Variants in PDS5B observed in about 807,000 individuals in gnomAD.
PDS5B encodes PDS5 cohesin associated factor B, also known as sister chromatid cohesion protein PDS5 homolog B.
Under a neutral mutation model 184.1 loss-of-function variants are expected in PDS5B, and 51 were observed. That is an observed-to-expected ratio of 0.28 (90% CI 0.22 to 0.35). The LOEUF is 0.35. PDS5B is among the 10% of genes least tolerant of loss of function. The pLI is 1.00. For missense variants in PDS5B, 1,180 were observed against 1,723.3 expected (o/e 0.68, Z 5.58); for synonymous variants, 566 against 569.2 (o/e 0.99, Z 0.08).
At chr13:32,756,429 A>T (rs959639681) in intron 26 of PDS5B, among the ~76,000 whole-genome samples, 3 of 152,166 alleles carry the variant, frequency 2.0e-5, no homozygotes, top group Admixed American at 2.0e-4. Context: ...CTTATTACTT[A>T]ATTGGTGATT....
At chr13:32,710,418 A>G (rs1374381435) in intron 19 of PDS5B, among the ~76,000 whole-genome samples, 4 of 152,344 alleles carry the variant, frequency 2.6e-5, no homozygotes, top group African/African-American at 9.6e-5. Context: ...AAGGAATTTC[A>G]TCAGGACTAT....
At chr13:32,755,164 A>T (rs1382009467) in intron 25 of PDS5B, among the ~76,000 whole-genome samples, 1 of 152,210 alleles carries the variant, frequency 6.6e-6, no homozygotes, top group Non-Finnish European at 1.5e-5. Flanking sequence ...CAAATAGGAA[A>T]TATAAATGGA....
intron 28 of PDS5B, among the ~76,000 whole-genome samples, chr13:32,759,403 T>A (rs1954298924): frequency 1.3e-5 from 2 of 152,206 alleles, no homozygotes; most frequent in Non-Finnish European, 2.9e-5. Flanking sequence ...TGATGCACTC[T>A]TAGAGCTCTA....
At chr13:32,766,404 T>C (rs934789021) in intron 31 of PDS5B, among the ~76,000 whole-genome samples, 22 of 152,238 alleles carry the variant, frequency 1.4e-4, no homozygotes, top group African/African-American at 5.3e-4. Context: ...TCTTGAGACC[T>C]ATTAGTATGA....
At position 32,654,965 on chromosome 13, in the gene PDS5B, T is replaced by C. The variant is rs563401380; in HGVS notation, c.312+2958T>C. Among the ~76,000 whole-genome samples the C allele has an allele frequency of 2.0e-5, 3 of 152,306 alleles. No individual in the cohort carries two copies. The East Asian group carries it at 5.8e-4, about 29-fold the overall frequency. ...TAGGTTGATTCCATGTCTTTGCTAT[T>C]GTGAATAGTGCTGCTACGAACATAT... is the stretch of plus-strand genomic sequence containing the variant. On this transcript the variant is annotated intron_variant, in intron 3 of 34. Coordinates refer to ENST00000315596, the MANE Select transcript of PDS5B (RefSeq NM_015032.4).
intron 30 of PDS5B, among the ~76,000 whole-genome samples, chr13:32,761,947 T>C (rs544055895): frequency 2.6e-5 from 4 of 152,356 alleles, no homozygotes; most frequent in Non-Finnish European, 4.4e-5. Context: ...TTCTGTTTTC[T>C]CTGCAGCCTC....
intron 22 of PDS5B, among the ~76,000 whole-genome samples, chr13:32,741,554 T>C (rs1324616821): frequency 6.6e-6 from 1 of 152,172 alleles, no homozygotes; most frequent in Non-Finnish European, 1.5e-5. Flanking sequence ...TTGCTCATCA[T>C]TGGTATAGAC....
intron 1 of PDS5B, among the ~76,000 whole-genome samples, chr13:32,616,350 T>G (rs776493819): frequency 4.3e-4 from 66 of 151,984 alleles, no homozygotes; most frequent in Non-Finnish European, 7.7e-4. Flanking sequence ...CCACTGCGCC[T>G]GGCCCCTCCC....
At chr13:32,768,904 A>T (rs1954680269) in intron 31 of PDS5B, among the ~76,000 whole-genome samples, 1 of 145,812 alleles carries the variant, frequency 6.9e-6, no homozygotes, top group Non-Finnish European at 1.5e-5. Context: ...GATTGAGACC[A>T]TCCTGGCTAA....
chr13:32,670,499 A>G (rs937439275), intron 7 of PDS5B, among the ~76,000 whole-genome samples: 4 of 152,194 alleles, frequency 2.6e-5, no homozygotes, highest in Non-Finnish European at 5.9e-5. Flanking sequence ...AAGTGCTAAG[A>G]TTATAGGCGT....
intron 34 of PDS5B, among the ~76,000 whole-genome samples, chr13:32,774,231 T>G (rs930229515): frequency 6.6e-6 from 1 of 152,214 alleles, no homozygotes; most frequent in Non-Finnish European, 1.5e-5. Context: ...AAACCCAAGC[T>G]CTATAATCAA....
rs77748030 is a variant in PDS5B, at chr13:32,652,600, A to G, written c.312+593A>G. 4 of 140,592 alleles carry G rather than the reference A, an allele frequency of 2.8e-5. No homozygotes were observed. The East Asian group carries it at 8.0e-4, about 28-fold the overall frequency. 8.7% of individuals were successfully genotyped at this position (140,592 alleles called of 1,614,324 possible). A position where few individuals can be genotyped will look rare whatever the true frequency, so the allele number is the denominator to read the frequency against. ...TTTAAAAAAAAAAAAAAAAAAAAAA[A>G]GGAAATTAGCCTTGTGTGGTACTGT... On this transcript the variant is annotated intron_variant, in intron 3 of 34. Transcript: ENST00000315596.
intron 10 of PDS5B, among the ~76,000 whole-genome samples, chr13:32,683,366 G>A (rs530842728): frequency 2.0e-5 from 3 of 146,540 alleles, no homozygotes; most frequent in Admixed American, 6.9e-5. Context: ...TGTTGCCCAG[G>A]CTGAAGTGCA....
chr13:32,757,921 A>G (rs960407087), intron 26 of PDS5B, among the ~76,000 whole-genome samples, 166 bp from the exon 27 acceptor site: 2 of 149,896 alleles, frequency 1.3e-5, no homozygotes, highest in Non-Finnish European at 3.0e-5. Context: ...ATATGTTTGT[A>G]TGACATATTC....
chr13:32,601,118 C>T (rs2057967427), intron 1 of PDS5B, among the ~76,000 whole-genome samples: 1 of 152,118 alleles, frequency 6.6e-6, no homozygotes, highest in Admixed American at 6.6e-5. Flanking sequence ...ATTTGAATCT[C>T]CTCCACTATA....
At chr13:32,774,871 C>G in intron 34 of PDS5B, 146 bp from the exon 35 acceptor site, 1 of 757,002 alleles carries the variant, frequency 1.3e-6, no homozygotes, top group Non-Finnish European at 2.2e-6. Flanking sequence ...GATGCCAGGG[C>G]AGAAAGTAAG....
chr13:32,616,882 A>G (rs1320749087), intron 1 of PDS5B, among the ~76,000 whole-genome samples: 2 of 152,234 alleles, frequency 1.3e-5, no homozygotes, highest in African/African-American at 2.4e-5. Context: ...AGTATTTATC[A>G]TAGTAAAGAA....
intron 24 of PDS5B, among the ~76,000 whole-genome samples, chr13:32,749,382 C>G (rs751162882): frequency 1.1e-4 from 17 of 152,190 alleles, no homozygotes; most frequent in Non-Finnish European, 2.2e-4. Flanking sequence ...AGTACATGTA[C>G]TTTATTTCTT....
At chr13:32,639,315 A>G (rs184468538) in intron 1 of PDS5B, among the ~76,000 whole-genome samples, 1 of 152,300 alleles carries the variant, frequency 6.6e-6, no homozygotes, top group African/African-American at 2.4e-5. Context: ...GCCCTTTTAC[A>G]AATAAACATT....
Sources: gnomAD v4.1 joint callset for allele counts (sites outside exome capture counted in the v4.1 genomes callset) on GRCh38, gnomAD v4.1.1 for gene constraint, MANE v1.5 for transcripts, NCBI Gene and HGNC (gene_info 2026-07-23, HGNC 2026-07-21) for gene names.